Variants in HMCN1 observed in about 807,000 individuals in gnomAD.
HMCN1 encodes the protein hemicentin 1.
In HMCN1, 321 loss-of-function variants were observed where a neutral mutation model predicts 625.9. That is an observed-to-expected ratio of 0.51 (90% CI 0.47 to 0.56). The LOEUF (loss-of-function observed/expected upper bound fraction) is 0.56, where lower values mean the gene tolerates loss of function less well. Among genes scored for constraint, HMCN1 ranks in the 20% least tolerant of loss-of-function variants. The probability of loss-of-function intolerance (pLI) is 0.00; values close to 1 mark genes in which losing one functional copy is unlikely to be tolerated. For synonymous variants in HMCN1, 2,425 were observed against 2,417.6 expected (o/e 1.00, Z -0.09); for missense variants, 6,588 against 6,887.3 (o/e 0.96, Z 1.54).
rs757952686 is a variant in HMCN1 at position 186,016,986 on chromosome 1, G to T, written c.5215G>T (p.Asp1739Tyr). ...VLVPPAIEGG[D>Y]ETSYFIVMVN... is the part of the protein sequence containing the mutation. ...AGTGCCACCAGCTATAGAAGGAGGA[G>T]ATGAAACATCTTACTTCATTGTGAT... Residue 1739 changes from aspartate (D) to tyrosine (Y), a missense_variant, in exon 33 of 107, where the codon GAT (aspartate) becomes TAT (tyrosine). This residue lies in a region of HMCN1 where 4,628 missense variants were observed against 4,853.1 expected (regional missense o/e 0.95). Coordinates refer to ENST00000271588, the MANE Select transcript of HMCN1 (RefSeq NM_031935.3). 2 of 1,605,204 alleles carry T rather than the reference G, an allele frequency of 1.2e-6. No homozygotes were observed. Among genetic ancestry groups the T allele is most frequent in the South Asian group, 2.2e-5 (2 of 90,918 alleles).
At chr1:185,883,806 ATGT>A (rs956050948) in intron 4 of HMCN1, among the ~76,000 whole-genome samples, 3 of 148,490 alleles carry the variant, frequency 2.0e-5, no homozygotes, top group African/African-American at 7.4e-5. Flanking sequence ...CTCATAATTA[ATGT>A]TGTTAGTTGC....
rs556696003 is a variant in HMCN1, at chr1:185,888,685, A to G, written c.622-20652A>G. Among the ~76,000 whole-genome samples the G allele has an allele frequency of 7.8e-4, 115 of 147,530 alleles. 1 individual carries two copies. Among genetic ancestry groups the G allele is most frequent in the South Asian group, 4.2e-4 (2 of 4,812 alleles). On this transcript the variant is annotated intron_variant, in intron 4 of 106. Transcript: ENST00000271588. Reference sequence around the variant, plus strand: ...TGATCTATCTCTCTGTTTTGGTACCAGTACCATGCTGTTTTGGTTACTGTA... The same window carrying G: ...TGATCTATCTCTCTGTTTTGGTACCGGTACCATGCTGTTTTGGTTACTGTA...
intron 23 of HMCN1, among the ~76,000 whole-genome samples, chr1:185,994,364 A>T (rs1282404467): frequency 6.6e-6 from 1 of 152,116 alleles, no homozygotes; most frequent in Non-Finnish European, 1.5e-5. Flanking sequence ...AACTTTTCTT[A>T]TTGTTTCACT....
intron 43 of HMCN1, 38 bp from the exon 44 acceptor site, chr1:186,053,787 T>C: frequency 6.2e-7 from 1 of 1,607,952 alleles, no homozygotes; most frequent in Middle Eastern, 1.7e-4. Flanking sequence ...ATGCTTTACA[T>C]TTCTGCCTCA....
intron 1 of HMCN1, among the ~76,000 whole-genome samples, chr1:185,758,382 T>C (rs986441729): frequency 1.3e-5 from 2 of 152,234 alleles, no homozygotes; most frequent in African/African-American, 4.8e-5. Context: ...ATACCTGTAA[T>C]CCCAGCACTT....
intron 71 of HMCN1, among the ~76,000 whole-genome samples, chr1:186,112,145 A>T (rs988938089): frequency 1.3e-5 from 2 of 152,246 alleles, no homozygotes; most frequent in Admixed American, 6.5e-5. Flanking sequence ...ATGCCTAGTT[A>T]CAAAATAAAT....
intron 11 of HMCN1, among the ~76,000 whole-genome samples, chr1:185,961,639 G>A (rs1346989852): frequency 1.3e-5 from 2 of 152,120 alleles, no homozygotes; most frequent in Non-Finnish European, 2.9e-5. Flanking sequence ...TTCTTATTGT[G>A]TAATAATATA....
chr1:186,122,830 A>G, intron 80 of HMCN1, 121 bp from the exon 81 acceptor site: 2 of 1,043,314 alleles, frequency 1.9e-6, no homozygotes. Flanking sequence ...TTTTCTAATG[A>G]TATGGTGAAG....
intron 83 of HMCN1, among the ~76,000 whole-genome samples, chr1:186,129,015 TA>T (rs754948695): frequency 5.3e-5 from 8 of 152,078 alleles, no homozygotes; most frequent in African/African-American, 1.2e-4. Context: ...TAATTCCAGT[TA>T]ATGGCTGGAA....
intron 2 of HMCN1, among the ~76,000 whole-genome samples, chr1:185,848,887 C>T (rs1305612697): frequency 6.6e-6 from 1 of 152,154 alleles, no homozygotes; most frequent in African/African-American, 2.4e-5. Flanking sequence ...ATCTGAGTCC[C>T]AATTACCATA....
chr1:186,186,379 T>C (rs1456863460), intron 105 of HMCN1, among the ~76,000 whole-genome samples: 3 of 151,978 alleles, frequency 2.0e-5, no homozygotes, highest in Non-Finnish European at 4.4e-5. Flanking sequence ...ATACAAAAAT[T>C]AGCCAGGCAT....
intron 89 of HMCN1, 31 bp downstream of exon 89, chr1:186,138,003 CA>C: frequency 6.2e-7 from 1 of 1,611,754 alleles, no homozygotes; most frequent in Non-Finnish European, 8.5e-7. Context: ...CTAAGATAAA[CA>C]AAACTTTTCT....
rs995277606 is a variant in HMCN1, at chr1:186,088,363, T to C, written c.9577+87T>C. 35 of 1,592,972 alleles carry C rather than the reference T, an allele frequency of 2.2e-5. No homozygotes were observed. The Admixed American group carries it at 5.9e-4, about 27-fold the overall frequency. ...GACTTTTAAACTAGCACATTTTAAG[T>C]ACCATGCTCATAGGGGTGTTTAGTT... is the stretch of plus-strand genomic sequence containing the variant. On this transcript the variant is annotated intron_variant, in intron 62 of 106. Transcript: ENST00000271588.
At chr1:185,828,917 G>A (rs913929580) in intron 1 of HMCN1, among the ~76,000 whole-genome samples, 1 of 151,916 alleles carries the variant, frequency 6.6e-6, no homozygotes, top group African/African-American at 2.4e-5. Context: ...TAGGAAGTAA[G>A]AAGAAAACAA....
chr1:186,045,750 T>C lies in HMCN1; in HGVS notation c.6367T>C (p.Leu2123=). 1 of 1,613,314 alleles carries C rather than the reference T, an allele frequency of 6.2e-7. No individual in the cohort carries two copies. The highest frequency in any genetic ancestry group is 8.5e-7 in the Non-Finnish European group (1 of 1,179,412). The change falls in exon 41 of 107, where the codon TTA becomes CTA. Residue 2123 remains leucine, a synonymous_variant. Transcript: ENST00000271588. ...TGTCCTCATTAGCCAAGCTGTGGAATTACTATGTCAAAGTGATGCTATTCC... is the reference window on the plus strand; with the variant it reads ...TGTCCTCATTAGCCAAGCTGTGGAACTACTATGTCAAAGTGATGCTATTCC... The part of the protein sequence containing the change: ...VSVLISQAVE[L]LCQSDAIPPP...
chr1:186,127,185 G>A (rs1266980157), intron 82 of HMCN1, among the ~76,000 whole-genome samples: 1 of 152,106 alleles, frequency 6.6e-6, no homozygotes, highest in Non-Finnish European at 1.5e-5. Context: ...AGGGGCCATT[G>A]GAAGGAATCG....
At chr1:186,126,825 G>C (rs1218839399) in intron 82 of HMCN1, among the ~76,000 whole-genome samples, 1 of 152,106 alleles carries the variant, frequency 6.6e-6, no homozygotes, top group Non-Finnish European at 1.5e-5. Flanking sequence ...ATCCATTGCA[G>C]GTTTTTGAGC....
intron 35 of HMCN1, 109 bp downstream of exon 35, chr1:186,019,804 A>G: frequency 1.1e-6 from 1 of 882,130 alleles, no homozygotes; most frequent in Non-Finnish European, 1.7e-6. Context: ...CAGATTTTGC[A>G]GAAAATTTAT....
chr1:186,057,031 TCACACACACACACACACA>T (rs59926356), intron 45 of HMCN1, among the ~76,000 whole-genome samples, 185 bp from the exon 46 acceptor site: 1 of 147,932 alleles, frequency 6.8e-6, no homozygotes, highest in Admixed American at 6.8e-5. Context: ...TCCAGGAATG[TCACACACACACACACACA>T]CACACACACA....
Sources: gnomAD v4.1 joint callset for allele counts (sites outside exome capture counted in the v4.1 genomes callset) on GRCh38, gnomAD v4.1.1 for gene constraint, gnomAD v4.1.1 regional missense constraint, MANE v1.5 for transcripts, NCBI Gene and HGNC (gene_info 2026-07-23, HGNC 2026-07-21) for gene names.